RASGRF1: variants seen among roughly 807,000 people sequenced by gnomAD.
The protein encoded by RASGRF1 is ras-specific guanine nucleotide-releasing factor 1.
A neutral mutation model predicts 138.7 loss-of-function variants in RASGRF1; 40 were observed. The ratio of observed to expected loss-of-function variants is 0.29; its 90% CI spans 0.22 to 0.38. The LOEUF is 0.38. RASGRF1 is among the 10% of genes least tolerant of loss of function. The probability of loss-of-function intolerance (pLI) is 1.00; values close to 1 mark genes in which losing one functional copy is unlikely to be tolerated. For synonymous variants in RASGRF1, 614 were observed against 663.2 expected (o/e 0.93, Z 1.14); for missense variants, 1,108 against 1,650.4 (o/e 0.67, Z 5.69).
Position 78,973,547 on chromosome 15 carries a change from C to T in RASGRF1, c.3495-127G>A. The stretch of plus-strand genomic sequence containing the variant: ...AGGGACTTGCAGTCACCAAGAATCA[C>T]ACTACACTCTAGAACTGACTATTCT... On this transcript the variant is annotated intron_variant, in intron 24 of 26. Transcript: ENST00000558480. This position sits in a 1 kb window ranked among gnomAD's most constrained non-coding sequence, Gnocchi z 4.9. 2.9e-6 allele frequency: 2 copies of T among 693,004 alleles called. No individual in the cohort carries two copies. Among genetic ancestry groups the T allele is most frequent in the Non-Finnish European group, 5.0e-6 (2 of 399,536 alleles). 42.9% of individuals were successfully genotyped at this position (693,004 alleles called of 1,614,324 possible). A position where few individuals can be genotyped will look rare whatever the true frequency, so the allele number is the denominator to read the frequency against.
At chr15:79,081,040 G>A (rs1041486612) in intron 1 of RASGRF1, among the ~76,000 whole-genome samples, 6 of 152,216 alleles carry the variant, frequency 3.9e-5, no homozygotes, top group African/African-American at 1.2e-4. Flanking sequence ...AATGCTAATC[G>A]TGAAAAAGAC....
At chr15:79,033,946 A>G (rs2057182510) in intron 6 of RASGRF1, among the ~76,000 whole-genome samples, 2 of 152,094 alleles carry the variant, frequency 1.3e-5, no homozygotes, top group South Asian at 4.1e-4. Flanking sequence ...CTTGTAATCA[A>G]CTTTAGAGGG....
rs769070160 is a variant in RASGRF1, at chr15:79,027,342, C to T, written c.1381+399G>A. ...ATGAGGAAAGGACAGGGGAATGGAC[C>T]CAACACTGACCTCCTCCCAGACACT... is the stretch of plus-strand genomic sequence containing the variant. On this transcript the variant is annotated intron_variant, in intron 9 of 26. Transcript: ENST00000558480. This position sits in a 1 kb window ranked among gnomAD's most constrained non-coding sequence, Gnocchi z 4.8. 6.6e-6 allele frequency among the ~76,000 whole-genome samples: 1 copy of T among 152,116 alleles called. No individual in the cohort carries two copies. The highest frequency in any genetic ancestry group is 1.5e-5 in the Non-Finnish European group (1 of 68,028).
chr15:78,974,656 T>A (rs7175835), intron 24 of RASGRF1, among the ~76,000 whole-genome samples: 5 of 152,034 alleles, frequency 3.3e-5, no homozygotes, highest in Admixed American at 6.5e-5. Flanking sequence ...GGAGAGCGCC[T>A]CATTTGGTGA....
At chr15:79,080,152 C>A (rs570845160) in intron 1 of RASGRF1, among the ~76,000 whole-genome samples, 1 of 152,236 alleles carries the variant, frequency 6.6e-6, no homozygotes, top group Non-Finnish European at 1.5e-5. Flanking sequence ...TAGCCTGTTT[C>A]CCTCCTTGCT....
intron 22 of RASGRF1, among the ~76,000 whole-genome samples, chr15:78,988,679 C>T (rs1017216565): frequency 5.3e-5 from 8 of 152,140 alleles, no homozygotes; most frequent in East Asian, 1.9e-4. Flanking sequence ...CTCCCACCAC[C>T]GGCCCTCAAA....
rs773895706 is a variant in RASGRF1 at position 79,090,236 on chromosome 15, G to A, written c.263C>T (p.Pro88Leu). 2 of 1,606,008 alleles carry A rather than the reference G, an allele frequency of 1.2e-6. No homozygotes were observed. Among genetic ancestry groups the A allele is most frequent in the East Asian group, 2.2e-5 (1 of 44,720 alleles). Residue 88 changes from proline (P) to leucine (L), a missense_variant, in exon 1 of 27, where the codon CCG (proline) becomes CTG (leucine). Coordinates refer to ENST00000558480, the MANE Select transcript of RASGRF1 (RefSeq NM_001145648.3). The part of the protein sequence containing the change: ...SPKPALSAKE[P>L]LEKQHYFTVN... ...CGCTCGCCTCACCTGTTTCTCCAGC[G>A]GCTCCTTGGCCGACAGCGCCGGCTT... is the stretch of plus-strand genomic sequence containing the variant.
intron 26 of RASGRF1, among the ~76,000 whole-genome samples, chr15:78,967,281 C>T (rs2055662378): frequency 6.6e-6 from 1 of 151,956 alleles, no homozygotes; most frequent in African/African-American, 2.4e-5. Flanking sequence ...TGCAGTGGCT[C>T]ATTCCTGTAA....
chr15:79,064,589 C>T (rs769445427), intron 1 of RASGRF1, 63 bp from the exon 2 acceptor site: 1 of 1,501,036 alleles, frequency 6.7e-7, no homozygotes, highest in South Asian at 1.1e-5. Context: ...ACGACTCTTG[C>T]AATCAATCTA....
chr15:79,004,274 G>A (rs553787362), intron 14 of RASGRF1, 99 bp from the exon 15 acceptor site: 615 of 1,392,692 alleles, frequency 4.4e-4, no homozygotes, highest in Non-Finnish European at 5.6e-4. Context: ...TGGCAGCAAC[G>A]GCTCCATCAT....
intron 3 of RASGRF1, 24 bp downstream of exon 3, chr15:79,058,310 G>A: frequency 6.2e-7 from 1 of 1,607,986 alleles, no homozygotes; most frequent in Non-Finnish European, 8.5e-7. Flanking sequence ...TAGGGCCTGG[G>A]CCCACCCCCC....
At chr15:79,008,456 T>C (rs1239280839) in intron 13 of RASGRF1, among the ~76,000 whole-genome samples, 1 of 152,202 alleles carries the variant, frequency 6.6e-6, no homozygotes, top group East Asian at 1.9e-4. Flanking sequence ...CAAAACATTT[T>C]AGAAAACTCC....
chr15:78,970,621 C>CAAAAAAAAA (rs55689628), intron 26 of RASGRF1, among the ~76,000 whole-genome samples: 7 of 57,892 alleles, frequency 1.2e-4, no homozygotes, highest in East Asian at 4.2e-4. Context: ...GACTCTGTCT[C>CAAAAAAAAA]AAAAAAAAAA....
At chr15:78,990,990 A>G (rs941995644) in intron 21 of RASGRF1, among the ~76,000 whole-genome samples, 3 of 152,260 alleles carry the variant, frequency 2.0e-5, no homozygotes, top group Non-Finnish European at 4.4e-5. Context: ...AAAGCCCCAC[A>G]ATGATTCAAA....
At chr15:78,987,855 C>T (rs1468700454) in intron 22 of RASGRF1, among the ~76,000 whole-genome samples, 2 of 152,090 alleles carry the variant, frequency 1.3e-5, no homozygotes, top group African/African-American at 4.8e-5. Flanking sequence ...GCGAGTAGCT[C>T]CTTCGATTTT....
intron 1 of RASGRF1, 61 bp downstream of exon 1, chr15:79,090,162 C>A: frequency 6.7e-7 from 1 of 1,502,884 alleles, no homozygotes; most frequent in Non-Finnish European, 8.8e-7. Context: ...CAGCCGAAGG[C>A]CCTGAGCCCC....
At chr15:79,005,738 C>G (rs1473140685) in intron 14 of RASGRF1, 2 of 616,622 alleles carry the variant, frequency 3.2e-6, no homozygotes, top group African/African-American at 4.1e-5. Flanking sequence ...TCCCTCCCTC[C>G]CTCCCTCCCT....
intron 1 of RASGRF1, among the ~76,000 whole-genome samples, chr15:79,087,624 C>T (rs1240150453): frequency 6.6e-6 from 1 of 152,218 alleles, no homozygotes; most frequent in Non-Finnish European, 1.5e-5. Flanking sequence ...CACAGAATGG[C>T]CTGGAGTTAG....
chr15:79,065,529 G>A (rs779160430), intron 1 of RASGRF1, among the ~76,000 whole-genome samples: 6 of 152,050 alleles, frequency 3.9e-5, no homozygotes, highest in Non-Finnish European at 7.4e-5. Flanking sequence ...TCATAGACTG[G>A]GCTGGGGCAT....
Sources: allele counts gnomAD v4.1 joint callset (sites outside exome capture counted in the v4.1 genomes callset), GRCh38; gene constraint gnomAD v4.1.1; non-coding constraint Gnocchi (gnomAD v3.1); transcripts MANE v1.5; gene names NCBI Gene and HGNC (gene_info 2026-07-23, HGNC 2026-07-21).